CNTNAP5: variants seen among roughly 807,000 people sequenced by gnomAD.
The protein encoded by CNTNAP5 is contactin associated protein family member 5, also known as contactin-associated protein-like 5.
A neutral mutation model predicts 150.2 loss-of-function variants in CNTNAP5; 72 were observed. The ratio of observed to expected loss-of-function variants is 0.48; its 90% CI spans 0.40 to 0.58. CNTNAP5 has a LOEUF of 0.58. Among genes scored for constraint, CNTNAP5 ranks in the 20% least tolerant of loss-of-function variants. The pLI, the probability that CNTNAP5 is intolerant of heterozygous loss-of-function variation, is 0.00. For missense variants in CNTNAP5, 1,636 were observed against 1,626.2 expected, an observed-to-expected ratio of 1.01 and a Z score of -0.10; for synonymous variants, 672 against 619.8, an observed-to-expected ratio of 1.08 and a Z score of -1.25.
intron 1 of CNTNAP5, among the ~76,000 whole-genome samples, chr2:124,072,228 A>G (rs1465496177): frequency 6.6e-6 from 1 of 151,944 alleles, no homozygotes; most frequent in Non-Finnish European, 1.5e-5. Flanking sequence ...ATACCTCAAC[A>G]TAATAAATGC....
At chr2:124,333,989 C>T (rs963275078) in intron 3 of CNTNAP5, among the ~76,000 whole-genome samples, 1 of 152,002 alleles carries the variant, frequency 6.6e-6, no homozygotes, top group Non-Finnish European at 1.5e-5. Flanking sequence ...TGTCCTCTTA[C>T]AGTACAAAGT....
At chr2:124,525,625 A>T (rs572056442) in intron 9 of CNTNAP5, among the ~76,000 whole-genome samples, 5 of 152,212 alleles carry the variant, frequency 3.3e-5, no homozygotes, top group Non-Finnish European at 5.9e-5. Flanking sequence ...GAGGTCTCCT[A>T]GGAGGGAAGC....
chr2:124,425,337 A>C (rs773960864), intron 4 of CNTNAP5, among the ~76,000 whole-genome samples: 2 of 152,248 alleles, frequency 1.3e-5, no homozygotes, highest in Non-Finnish European at 2.9e-5. Flanking sequence ...TTGCTATTTA[A>C]ATGACTCTCA....
chr2:124,584,493 A>T (rs1696485661), intron 11 of CNTNAP5, among the ~76,000 whole-genome samples: 1 of 152,192 alleles, frequency 6.6e-6, no homozygotes, highest in Non-Finnish European at 1.5e-5. Context: ...AGTGTAGCTC[A>T]TGGCATATTT....
intron 1 of CNTNAP5, among the ~76,000 whole-genome samples, chr2:124,118,673 G>A (rs1407258510): frequency 6.6e-6 from 1 of 152,156 alleles, no homozygotes; most frequent in Non-Finnish European, 1.5e-5. Context: ...CAGGACTTGT[G>A]GAGAGCTGCT....
intron 1 of CNTNAP5, among the ~76,000 whole-genome samples, chr2:124,040,749 T>C (rs533879085): frequency 6.6e-6 from 1 of 152,122 alleles, no homozygotes; most frequent in African/African-American, 2.4e-5. Context: ...ATTGTGAGAC[T>C]ACAATAGAAA....
At chr2:124,464,307 T>A (rs954839479) in intron 6 of CNTNAP5, among the ~76,000 whole-genome samples, 4 of 152,088 alleles carry the variant, frequency 2.6e-5, no homozygotes, top group Admixed American at 2.0e-4. Flanking sequence ...CTGGGCTGTG[T>A]CTGGGTAAGA....
At chr2:124,152,069 G>C (rs1412656702) in intron 1 of CNTNAP5, among the ~76,000 whole-genome samples, 1 of 152,148 alleles carries the variant, frequency 6.6e-6, no homozygotes, top group African/African-American at 2.4e-5. Flanking sequence ...TATGGGAAGT[G>C]GATGGTGGCA....
chr2:124,362,239 GT>G (rs1457712724), intron 3 of CNTNAP5, among the ~76,000 whole-genome samples: 1 of 152,198 alleles, frequency 6.6e-6, no homozygotes, highest in Non-Finnish European at 1.5e-5. Flanking sequence ...AACCCGGTAC[GT>G]CACATGGAAA....
chr2:124,473,297 C>T (rs1693562540), intron 6 of CNTNAP5, among the ~76,000 whole-genome samples: 1 of 151,660 alleles, frequency 6.6e-6, no homozygotes, highest in African/African-American at 2.4e-5. Flanking sequence ...ATCCATTCTT[C>T]TCTAACTAAA....
chr2:124,358,405 G>A (rs1346548048), intron 3 of CNTNAP5, among the ~76,000 whole-genome samples: 9 of 152,174 alleles, frequency 5.9e-5, no homozygotes, highest in Non-Finnish European at 7.3e-5. Context: ...AATGCTTCCA[G>A]TTTTTGCCCA....
intron 21 of CNTNAP5, among the ~76,000 whole-genome samples, chr2:124,879,136 C>A (rs1364030174): frequency 6.6e-6 from 1 of 152,018 alleles, no homozygotes; most frequent in East Asian, 1.9e-4. Context: ...ATCATCAAAT[C>A]CAGTCCGATG....
intron 3 of CNTNAP5, among the ~76,000 whole-genome samples, chr2:124,313,023 C>T (rs1359130137): frequency 2.0e-5 from 3 of 152,294 alleles, no homozygotes; most frequent in South Asian, 2.1e-4. Flanking sequence ...GTTCTTTCAT[C>T]GGGGCTATTG....
rs1678819037 is a variant in CNTNAP5 at position 124,918,834 on chromosome 2, G to A, written c.*4546G>A. Among the ~76,000 whole-genome samples, 2 of 152,120 alleles carry A rather than the reference G, an allele frequency of 1.3e-5. No individual in the cohort carries two copies. The highest frequency in any genetic ancestry group is 4.1e-4 in the South Asian group (2 of 4,822). On this transcript the variant is annotated 3_prime_UTR_variant, in exon 24 of 24. Coordinates refer to ENST00000682447, the MANE Select transcript of CNTNAP5 (RefSeq NM_001367498.1). ...CATTGTTTCTGAAGATGGCAAAGGC[G>A]ATTAATGGAAGAAGATGCAGACAAA...
intron 13 of CNTNAP5, among the ~76,000 whole-genome samples, chr2:124,711,494 G>A (rs1679807131): frequency 6.6e-6 from 1 of 151,980 alleles, no homozygotes; most frequent in Admixed American, 6.6e-5. Flanking sequence ...TGTACTAAAT[G>A]TAACAGTGAA....
At chr2:124,560,425 A>C (rs1695861773) in intron 10 of CNTNAP5, among the ~76,000 whole-genome samples, 1 of 150,046 alleles carries the variant, frequency 6.7e-6, no homozygotes, top group Non-Finnish European at 1.5e-5. Context: ...AGGCTGAGGC[A>C]GGAGAATCGC....
intron 18 of CNTNAP5, among the ~76,000 whole-genome samples, chr2:124,793,916 T>G (rs1030930488): frequency 1.3e-5 from 2 of 152,166 alleles, no homozygotes; most frequent in African/African-American, 4.8e-5. Flanking sequence ...TGAAAATTTA[T>G]TTAGAAATCT....
At chr2:124,084,990 C>T (rs973443199) in intron 1 of CNTNAP5, among the ~76,000 whole-genome samples, 3 of 123,264 alleles carry the variant, frequency 2.4e-5, no homozygotes, top group Non-Finnish European at 4.7e-5. Flanking sequence ...GGCGTGATCT[C>T]GGCTCACCGC....
intron 13 of CNTNAP5, among the ~76,000 whole-genome samples, chr2:124,732,115 T>C (rs1335684069): frequency 1.3e-5 from 2 of 152,136 alleles, no homozygotes; most frequent in African/African-American, 4.8e-5. Context: ...ATCAGTGTTA[T>C]AGCTTTTTTG....
Sources: allele counts gnomAD v4.1 joint callset (sites outside exome capture counted in the v4.1 genomes callset), GRCh38; gene constraint gnomAD v4.1.1; transcripts MANE v1.5; gene names NCBI Gene and HGNC (gene_info 2026-07-23, HGNC 2026-07-21).